Variants in UMOD observed in about 807,000 individuals in gnomAD.
UMOD encodes Tamm-Horsfall urinary glycoprotein.
Under a neutral mutation model 66.0 loss-of-function variants are expected in UMOD, and 64 were observed. The ratio of observed to expected loss-of-function variants is 0.97; its 90% CI spans 0.79 to 1.19. UMOD has a LOEUF of 1.19. Ranked by LOEUF, UMOD falls within the 50% of genes most tolerant of loss-of-function variation. UMOD has a pLI of 0.00. For missense variants in UMOD, 764 were observed against 850.9 expected, an observed-to-expected ratio of 0.90 and a Z score of 1.27; for synonymous variants, 398 against 352.7, an observed-to-expected ratio of 1.13 and a Z score of -1.44.
chr16:20,353,353 C>T (rs1382017828), upstream of UMOD, among the ~76,000 whole-genome samples: 1 of 152,168 alleles, frequency 6.6e-6, no homozygotes, highest in Admixed American at 6.5e-5. Context: ...TAAATTTGCA[C>T]TTAAATAGAC....
rs142717731 is a variant in UMOD, at chr16:20,349,597, C to T, written c.89-385G>A. 2.5e-3 allele frequency: 3,398 copies of T among 1,354,250 alleles called. 3 individuals are homozygous for T. The highest frequency in any genetic ancestry group is 3.1e-3 in the Non-Finnish European group (3,180 of 1,028,226). 83.9% of individuals were successfully genotyped at this position (1,354,250 alleles called of 1,614,324 possible). On this transcript the variant is annotated intron_variant, in intron 2 of 10. Transcript: ENST00000396138. ...TCCCAAAAAGTTGGGACCACAGGCA[C>T]GTGCAATCGCGCCCAGCTCCACCAT...
Position 20,335,501 on chromosome 16 carries a change from T to C in UMOD, c.1842A>G (p.Ser614=). ...ITRKGVQATV[S]RAFSSLGLLK... is the part of the protein sequence containing the mutation. ...ACTTACCCAAGCTGCTAAAAGCCCT[T>C]GAGACTGTGGCCTGGACACCTTTGG... Residue 614 remains serine, a synonymous_variant, in exon 10 of 11, where the codon TCA becomes TCG. Coordinates refer to ENST00000396138, the MANE Select transcript of UMOD (RefSeq NM_003361.4). The C allele has an allele frequency of 1.2e-6, 2 of 1,613,772 alleles. No individual in the cohort carries two copies. The highest frequency in any genetic ancestry group is 1.7e-6 in the Non-Finnish European group (2 of 1,179,734).
At chr16:20,352,550 A>T (rs1340327936) in intron 1 of UMOD, 139 bp downstream of exon 1, 2 of 520,734 alleles carry the variant, frequency 3.8e-6, no homozygotes, top group East Asian at 7.0e-5. Flanking sequence ...ACTAAAGATC[A>T]TGAAGCCAAT....
At position 20,346,216 on chromosome 16, in the gene UMOD, G is replaced by A. The variant is rs199926047; in HGVS notation, c.1092C>T (p.Ser364=). The A allele has an allele frequency of 6.2e-7, 1 of 1,614,220 alleles. No homozygotes were observed. The highest frequency in any genetic ancestry group is 2.2e-5 in the East Asian group (1 of 44,884). The part of the protein sequence containing the change: ...FDKVFMYLSD[S]RCSGFNDRDN... ...CTCTGTCATTGAAGCCCGAGCACCG[G>A]CTGTCACTCAGGTACATGAAGACCT... The change falls in exon 5 of 11, where the codon AGC becomes AGT. Residue 364 remains serine (S), a synonymous_variant. Coordinates refer to ENST00000396138, the MANE Select transcript of UMOD (RefSeq NM_003361.4).
At chr16:20,344,240 A>T in intron 5 of UMOD, 68 bp from the exon 6 acceptor site, 1 of 1,474,274 alleles carries the variant, frequency 6.8e-7, no homozygotes, top group Non-Finnish European at 9.5e-7. Context: ...TCTGAGTAGG[A>T]CTTCAAAGCT....
intron 1 of UMOD, 166 bp from the exon 2 acceptor site, chr16:20,351,005 A>ACTCC: frequency 1.8e-6 from 1 of 557,478 alleles, no homozygotes. Flanking sequence ...TACCCCTTGT[A>ACTCC]CTCCCCCTCC....
At chr16:20,345,793 C>G (rs915845858) in intron 5 of UMOD, among the ~76,000 whole-genome samples, 1 of 152,184 alleles carries the variant, frequency 6.6e-6, no homozygotes, top group African/African-American at 2.4e-5. Context: ...AATGCTGATG[C>G]CTACTGGCTG....
chr16:20,344,183 G>C lies in UMOD; in HGVS notation c.1183-11C>G. On this transcript the variant is annotated splice_polypyrimidine_tract_variant and intron_variant, in intron 5 of 10. Coordinates refer to ENST00000396138, the MANE Select transcript of UMOD (RefSeq NM_003361.4). ...ATGGGTTTCATTCCTCTGTTGCAGG[G>C]AATGGGGGTGGAGGGGGGGTGGGGA... is the stretch of plus-strand genomic sequence containing the variant. 2 of 852,682 alleles carry C rather than the reference G, an allele frequency of 2.3e-6. No individual in the cohort carries two copies. The highest frequency in any genetic ancestry group is 1.9e-6 in the Non-Finnish European group (1 of 535,932). 52.8% of individuals were successfully genotyped at this position (852,682 alleles called of 1,614,324 possible).
At chr16:20,342,574 AC>A (rs1298397442) in intron 6 of UMOD, 1 of 151,970 alleles carries the variant, frequency 6.6e-6, no homozygotes, top group Admixed American at 6.6e-5. Context: ...AGAGCAGAAA[AC>A]CATGGGCAAG....
upstream of UMOD, chr16:20,352,918 A>T (rs530674813): frequency 9.7e-6 from 4 of 410,634 alleles, no homozygotes; most frequent in South Asian, 5.5e-4. Flanking sequence ...AATGATTGAC[A>T]TTGGGGGGTC....
chr16:20,344,918 C>A (rs1349130237), intron 5 of UMOD, among the ~76,000 whole-genome samples: 1 of 152,318 alleles, frequency 6.6e-6, no homozygotes, highest in Non-Finnish European at 1.5e-5. Context: ...GTTTTCAGCA[C>A]CCCGTGCTTC....
rs1964679597 is a variant in UMOD at position 20,333,054 on chromosome 16, G to A, written c.*260C>T. Reference sequence around the variant, plus strand: ...ATGAATGGATGACTTCAAAGACTGAGATTTAAAAATCATTATTTTGCCACA... The same window carrying A: ...ATGAATGGATGACTTCAAAGACTGAAATTTAAAAATCATTATTTTGCCACA... On this transcript the variant is annotated 3_prime_UTR_variant, in exon 11 of 11. Coordinates refer to ENST00000396138, the MANE Select transcript of UMOD (RefSeq NM_003361.4). The A allele has an allele frequency of 2.1e-6, 1 of 470,936 alleles. No individual in the cohort carries two copies. The highest frequency in any genetic ancestry group is 3.9e-6 in the Non-Finnish European group (1 of 253,602). The allele number at this position is 470,936 out of a possible 1,614,324, so 29.2% of individuals were successfully genotyped here.
rs1464287981 is a variant in UMOD at position 20,337,341 on chromosome 16, G to A, written c.1690C>T (p.Leu564=). Residue 564 remains leucine, a synonymous_variant, in exon 8 of 11, where the codon CTG becomes TTG. Transcript: ENST00000396138. The part of the protein sequence containing the change: ...RFAGNYDLVY[L]HCEVYLCDTM... Reference sequence around the variant, plus strand: ...TCACAGAGATAGACTTCACAGTGCAGGTAGACTAGGTCATAGTTTCCAGCA... The same window carrying A: ...TCACAGAGATAGACTTCACAGTGCAAGTAGACTAGGTCATAGTTTCCAGCA... The A allele has an allele frequency of 1.2e-6, 2 of 1,614,220 alleles. No homozygotes were observed. Among genetic ancestry groups the A allele is most frequent in the East Asian group, 2.2e-5 (1 of 44,892 alleles).
chr16:20,354,404 C>A (rs897647367), upstream of UMOD, among the ~76,000 whole-genome samples: 1 of 152,178 alleles, frequency 6.6e-6, no homozygotes, highest in Non-Finnish European at 1.5e-5. Context: ...ACCAACACTA[C>A]TCACCAGTTC....
chr16:20,337,352 T>C lies in UMOD; in HGVS notation c.1679A>G (p.Asp560Gly). 5.0e-6 allele frequency: 8 copies of C among 1,614,186 alleles called. No homozygotes were observed. Among genetic ancestry groups the C allele is most frequent in the Non-Finnish European group, 5.9e-6 (7 of 1,180,050 alleles). The stretch of plus-strand genomic sequence containing the variant: ...GACTTCACAGTGCAGGTAGACTAGG[T>C]CATAGTTTCCAGCAAACCGGAACAT... The part of the protein sequence containing the change: ...VQMFRFAGNY[D>G]LVYLHCEVYL... Residue 560 changes from aspartate to glycine, a missense_variant, in exon 8 of 11, where the codon GAC becomes GGC. By Grantham distance (94) the Asp-to-Gly change is moderately conservative. Transcript: ENST00000396138.
chr16:20,340,091 C>T (rs1308889023), intron 7 of UMOD, among the ~76,000 whole-genome samples: 2 of 152,290 alleles, frequency 1.3e-5, no homozygotes, highest in East Asian at 3.9e-4. Flanking sequence ...AAACCCTACT[C>T]AGCTCTCTGG....
chr16:20,339,899 C>A lies in UMOD; in HGVS notation c.1577+1192G>T, dbSNP rs1295067053. Among the ~76,000 whole-genome samples the A allele has an allele frequency of 2.0e-5, 3 of 152,136 alleles. No homozygotes were observed. The East Asian group carries it at 5.8e-4, about 29-fold the overall frequency. On this transcript the variant is annotated intron_variant, in intron 7 of 10. Coordinates refer to ENST00000396138, the MANE Select transcript of UMOD (RefSeq NM_003361.4). ...AACTTATGAACGAGAAAGTGAATCA[C>A]CGTCTCATGGTAAGGTTCATAGTCA... is the stretch of plus-strand genomic sequence containing the variant.
In UMOD at chr16:20,348,565, T is replaced by C; in HGVS notation, c.736A>G (p.Lys246Glu). ...TGGCCGCTCCAGTGCGCGCAGGCCT[T>C]GCGGCTCACGATGCCCTCGTCGCTG... ...PSSDEGIVSRKACAHWSGHCC... is the reference protein window; with the variant it reads ...PSSDEGIVSREACAHWSGHCC... Residue 246 changes from lysine to glutamate, a missense_variant, in exon 3 of 11, where the codon AAG becomes GAG. Physicochemically the swap from Lys to Glu is moderately conservative, Grantham distance 56. Transcript: ENST00000396138. 6.3e-7 allele frequency: 1 copy of C among 1,597,698 alleles called. No homozygotes were observed.
At chr16:20,350,578 A>C in intron 2 of UMOD, 72 bp downstream of exon 2, 16 of 1,577,414 alleles carry the variant, frequency 1.0e-5, no homozygotes, top group Non-Finnish European at 1.4e-5. Context: ...CAGGTGCTAC[A>C]TTGCTTCCCC....
Sources: gnomAD v4.1 joint callset for allele counts (sites outside exome capture counted in the v4.1 genomes callset) on GRCh38, gnomAD v4.1.1 for gene constraint, MANE v1.5 for transcripts, NCBI Gene and HGNC (gene_info 2026-07-23, HGNC 2026-07-21) for gene names.